The following MAGI2 variants were observed in gnomAD, a reference collection of about 807,000 sequenced individuals.
The protein encoded by MAGI2 is membrane associated guanylate kinase, WW and PDZ domain containing 2, also known as membrane-associated guanylate kinase, WW and PDZ domain-containing protein 2.
In MAGI2, 35 loss-of-function variants were observed where a neutral mutation model predicts 133.3. The ratio of observed to expected loss-of-function variants is 0.26; its 90% CI spans 0.20 to 0.35. The LOEUF is 0.35. Among genes scored for constraint, MAGI2 ranks in the 10% least tolerant of loss-of-function variants. The probability of loss-of-function intolerance (pLI) is 1.00; values close to 1 mark genes in which losing one functional copy is unlikely to be tolerated. For synonymous variants in MAGI2, 729 were observed against 710.6 expected (o/e 1.03, Z -0.41); for missense variants, 1,636 against 1,863.4 (o/e 0.88, Z 2.25).
At chr7:79,171,178 G>T (rs1230197343) in intron 1 of MAGI2, among the ~76,000 whole-genome samples, 1 of 152,038 alleles carries the variant, frequency 6.6e-6, no homozygotes, top group East Asian at 1.9e-4. Context: ...CTGAAATCAA[G>T]GTATCAGCAG....
At chr7:78,027,992 A>G (rs1809129211) in intron 21 of MAGI2, among the ~76,000 whole-genome samples, 1 of 152,248 alleles carries the variant, frequency 6.6e-6, no homozygotes, top group Admixed American at 6.5e-5. Context: ...ATGGGAAAAT[A>G]CTAAAATGAT....
intron 1 of MAGI2, among the ~76,000 whole-genome samples, chr7:79,050,646 G>A (rs374826119): frequency 3.9e-5 from 6 of 152,112 alleles, no homozygotes; most frequent in East Asian, 3.9e-4. Flanking sequence ...GCCTCCCAAA[G>A]TTTTGGGAAC....
At chr7:78,156,571 C>T (rs1007523833) in intron 16 of MAGI2, among the ~76,000 whole-genome samples, 1 of 151,980 alleles carries the variant, frequency 6.6e-6, no homozygotes, top group African/African-American at 2.4e-5. Context: ...TCATGGCAAC[C>T]CCATGATTGA....
At chr7:79,239,258 T>C (rs1396134086) in intron 1 of MAGI2, among the ~76,000 whole-genome samples, 3 of 152,224 alleles carry the variant, frequency 2.0e-5, no homozygotes, top group South Asian at 2.1e-4. Flanking sequence ...AAGTGGCTAA[T>C]GCATTTGACA....
intron 1 of MAGI2, among the ~76,000 whole-genome samples, chr7:79,032,122 A>G (rs1810645346): frequency 6.6e-6 from 1 of 152,204 alleles, no homozygotes; most frequent in African/African-American, 2.4e-5. Context: ...ATGAGGAAAA[A>G]TGGATGGCAA....
At chr7:78,898,791 C>T (rs974630353) in intron 2 of MAGI2, among the ~76,000 whole-genome samples, 2 of 152,060 alleles carry the variant, frequency 1.3e-5, no homozygotes, top group African/African-American at 4.8e-5. Context: ...GCACATGTAC[C>T]CCTGAACTTA....
At chr7:78,150,918 C>A (rs757591338) in intron 16 of MAGI2, among the ~76,000 whole-genome samples, 12 of 152,164 alleles carry the variant, frequency 7.9e-5, no homozygotes, top group Middle Eastern at 3.4e-3. Flanking sequence ...GTGTTCTCTG[C>A]AGACTTATTC....
At chr7:78,140,825 A>C (rs972376669) in intron 16 of MAGI2, among the ~76,000 whole-genome samples, 1 of 152,228 alleles carries the variant, frequency 6.6e-6, no homozygotes, top group African/African-American at 2.4e-5. Flanking sequence ...GGAAGGCAAT[A>C]ATAAAGCCAA....
At chr7:78,465,105 A>C (rs1052460928) in intron 6 of MAGI2, among the ~76,000 whole-genome samples, 1 of 152,170 alleles carries the variant, frequency 6.6e-6, no homozygotes, top group African/African-American at 2.4e-5. Context: ...AGGCAAAAAA[A>C]CTCACAAAAC....
chr7:78,079,977 C>T (rs1388153294), intron 20 of MAGI2, among the ~76,000 whole-genome samples: 2 of 152,216 alleles, frequency 1.3e-5, no homozygotes, highest in Non-Finnish European at 2.9e-5. Flanking sequence ...AAAAGCACAA[C>T]GAGTTGCTTT....
intron 1 of MAGI2, among the ~76,000 whole-genome samples, chr7:79,058,830 A>C (rs1813423659): frequency 6.6e-6 from 1 of 152,142 alleles, no homozygotes; most frequent in Non-Finnish European, 1.5e-5. Flanking sequence ...CAGAGTTAAA[A>C]TACCAGTGAT....
At chr7:78,217,286 G>A (rs1788364149) in intron 10 of MAGI2, among the ~76,000 whole-genome samples, 1 of 152,194 alleles carries the variant, frequency 6.6e-6, no homozygotes, top group South Asian at 2.1e-4. Flanking sequence ...TCAGGTGCAT[G>A]TTTCTGGGAT....
chr7:78,077,598 GGTCTTT>G (rs113346310), intron 21 of MAGI2, among the ~76,000 whole-genome samples: 10 of 87,030 alleles, frequency 1.1e-4, no homozygotes, highest in African/African-American at 1.5e-4. Context: ...ACGCATTTAA[GGTCTTT>G]GAGTTTAGAT....
At position 79,449,897 on chromosome 7, in the gene MAGI2, T is replaced by TATGTATATATATATATATATATATATAA. The variant is rs1491494586; in HGVS notation, c.301+3122_301+3123insTTATATATATATATATATATATATACAT. 2.3e-5 allele frequency among the ~76,000 whole-genome samples: 3 copies of TATGTATATATATATATATATATATATAA among 132,350 alleles called. No homozygotes were observed. In the East Asian group the frequency reaches 7.4e-4, roughly 33 times the overall value. The allele number at this position is 132,350 out of a possible 152,430, so 86.8% of individuals were successfully genotyped here. The stretch of plus-strand genomic sequence containing the variant: ...ATATACATATATATATATATATATA[T>TATGTATATATATATATATATATATATAA]AATGTCTTAAAATCCCAACATTTTA... On this transcript the variant is annotated intron_variant, in intron 1 of 21. Coordinates refer to ENST00000354212, the MANE Select transcript of MAGI2 (RefSeq NM_012301.4).
intron 1 of MAGI2, among the ~76,000 whole-genome samples, chr7:79,174,717 T>TA (rs968967850): frequency 6.6e-6 from 1 of 151,230 alleles, no homozygotes; most frequent in African/African-American, 2.4e-5. Context: ...AATAAATTAT[T>TA]AAAAAAACAC....
intron 2 of MAGI2, among the ~76,000 whole-genome samples, chr7:78,729,768 T>A (rs1392427599): frequency 1.3e-5 from 2 of 152,234 alleles, no homozygotes; most frequent in Admixed American, 1.3e-4. Flanking sequence ...TTTGGTAGTC[T>A]GACTATAATT....
At chr7:79,172,932 G>C (rs1825751042) in intron 1 of MAGI2, 1 of 151,934 alleles carries the variant, frequency 6.6e-6, no homozygotes, top group African/African-American at 2.4e-5. Flanking sequence ...ATATTTCAGG[G>C]TTATTTCAAA....
At chr7:78,521,179 ATGCCAAAAATGTTTTTGGCATATTCTTTC>A (rs1796468217) in intron 4 of MAGI2, among the ~76,000 whole-genome samples, 2 of 136,224 alleles carry the variant, frequency 1.5e-5, no homozygotes, top group Admixed American at 1.5e-4. Context: ...TTGAAAAAAT[ATGCCAAAAATGTTTTTGGCATATTCTTTC>A]AACTTCTTTA....
chr7:79,009,155 T>A (rs974821911), intron 1 of MAGI2: 3 of 152,174 alleles, frequency 2.0e-5, no homozygotes, highest in Admixed American at 6.6e-5. Flanking sequence ...TAATGTAATG[T>A]GGATAAATTC....
Sources: gnomAD v4.1 joint callset for allele counts (sites outside exome capture counted in the v4.1 genomes callset) on GRCh38, gnomAD v4.1.1 for gene constraint, MANE v1.5 for transcripts, NCBI Gene and HGNC (gene_info 2026-07-23, HGNC 2026-07-21) for gene names.